The following ASIC2 variants were observed in gnomAD, a reference collection of about 807,000 sequenced individuals.
ASIC2 encodes the protein acid sensing ion channel subunit 2, also known as acid-sensing ion channel 2.
Under a neutral mutation model 57.3 loss-of-function variants are expected in ASIC2, and 25 were observed. That is an observed-to-expected ratio of 0.44 (90% confidence interval 0.32 to 0.61). The LOEUF is 0.61. Ranked by LOEUF, ASIC2 falls within the 20% of genes least tolerant of loss-of-function variation. The pLI, the probability that ASIC2 is intolerant of heterozygous loss-of-function variation, is 0.06. For missense variants in ASIC2, 641 were observed against 738.1 expected, an observed-to-expected ratio of 0.87 and a Z score of 1.52; for synonymous variants, 319 against 307.5, an observed-to-expected ratio of 1.04 and a Z score of -0.39.
At chr17:33,625,125 C>CTCTG (rs35947234) in intron 1 of ASIC2, among the ~76,000 whole-genome samples, 35,141 of 143,956 alleles carry the variant, frequency 0.24, 4,159 homozygotes, top group South Asian at 0.33. Context: ...AATGTGGCCT[C>CTCTG]TCTGTCTATC....
At chr17:33,632,790 C>G (rs1352037559) in intron 1 of ASIC2, among the ~76,000 whole-genome samples, 1 of 152,174 alleles carries the variant, frequency 6.6e-6, no homozygotes, top group Non-Finnish European at 1.5e-5. Context: ...CCAAGCTTGT[C>G]TCTAACCTTA....
At position 33,340,739 on chromosome 17, in the gene ASIC2, T is replaced by C. The variant is rs189794770; in HGVS notation, c.556-228672A>G. Among the ~76,000 whole-genome samples the C allele has an allele frequency of 1.4e-4, 22 of 152,178 alleles. No individual in the cohort carries two copies. The East Asian group carries it at 4.3e-3, about 29-fold the overall frequency. On this transcript the variant is annotated intron_variant, in intron 1 of 9. Transcript: ENST00000359872. Reference sequence around the variant, plus strand: ...TGCATCATCAAACGGGCTCTGTATATGTGTGTCTCTGTGTGTGTTGGGGCA... The same window carrying C: ...TGCATCATCAAACGGGCTCTGTATACGTGTGTCTCTGTGTGTGTTGGGGCA...
chr17:33,880,679 C>G (rs961457560), intron 1 of ASIC2, among the ~76,000 whole-genome samples: 2 of 152,178 alleles, frequency 1.3e-5, no homozygotes. Context: ...ACCAGAGGTA[C>G]AAGGAGGAGC....
chr17:34,033,548 A>C (rs1391357175), intron 1 of ASIC2, among the ~76,000 whole-genome samples: 1 of 152,172 alleles, frequency 6.6e-6, no homozygotes, highest in Admixed American at 6.5e-5. Context: ...GACACAAAAA[A>C]CCCTTCAAAA....
intron 1 of ASIC2, among the ~76,000 whole-genome samples, chr17:33,768,070 G>A (rs935258893): frequency 1.3e-5 from 2 of 151,606 alleles, no homozygotes; most frequent in South Asian, 2.1e-4. Context: ...GTGCAGTGGC[G>A]CGATCTCGGC....
chr17:34,155,615 C>T (rs1904688520), intron 1 of ASIC2: 2 of 247,852 alleles, frequency 8.1e-6, no homozygotes, highest in Non-Finnish European at 1.6e-5. Context: ...AATGCCACCT[C>T]GTCAATGACA....
At chr17:33,730,142 G>A (rs114776632) in intron 1 of ASIC2, among the ~76,000 whole-genome samples, 39 of 152,270 alleles carry the variant, frequency 2.6e-4, no homozygotes, top group African/African-American at 9.1e-4. Flanking sequence ...ATTAGCCCCT[G>A]TATAGTTTAC....
At chr17:33,842,297 T>C (rs118101523) in intron 1 of ASIC2, among the ~76,000 whole-genome samples, 167 of 152,174 alleles carry the variant, frequency 1.1e-3, no homozygotes, top group Non-Finnish European at 2.0e-3. Flanking sequence ...ATGGGGATGG[T>C]GGTACTCAGA....
At chr17:33,335,880 A>G (rs1476065871) in intron 1 of ASIC2, among the ~76,000 whole-genome samples, 2 of 152,242 alleles carry the variant, frequency 1.3e-5, no homozygotes, top group Non-Finnish European at 2.9e-5. Context: ...TCCAGCTCCA[A>G]TCGCAGACAC....
Position 33,919,591 on chromosome 17 carries a change from C to T in ASIC2, c.555+236387G>A, listed in dbSNP as rs551930797. Among the ~76,000 whole-genome samples the T allele has an allele frequency of 2.6e-5, 4 of 152,338 alleles. No homozygotes were observed. In the South Asian group the frequency reaches 6.2e-4, roughly 24 times the overall value. On this transcript the variant is annotated intron_variant, in intron 1 of 9. Coordinates refer to the ASIC2 transcript ENST00000359872. ...ATCCTAGAAGAAAACCTAGGAAATA[C>T]CATTCTGGAAATTGCCTTTGGCAAA...
intron 3 of ASIC2, among the ~76,000 whole-genome samples, chr17:33,033,935 A>G (rs2091897363): frequency 6.6e-6 from 1 of 152,170 alleles, no homozygotes; most frequent in African/African-American, 2.4e-5. Flanking sequence ...ACAAGGGGAC[A>G]GGACGACCAG....
intron 1 of ASIC2, among the ~76,000 whole-genome samples, chr17:33,711,464 AAT>A (rs541049906): frequency 6.6e-6 from 1 of 152,132 alleles, no homozygotes; most frequent in Non-Finnish European, 1.5e-5. Flanking sequence ...GGGAGCAATG[AAT>A]CTCATTTTTG....
chr17:33,108,820 T>C (rs1364179256), intron 2 of ASIC2, among the ~76,000 whole-genome samples: 1 of 151,918 alleles, frequency 6.6e-6, no homozygotes, highest in East Asian at 1.9e-4. Context: ...GGACAAGGAG[T>C]TCTGCCTGAC....
intron 1 of ASIC2, among the ~76,000 whole-genome samples, chr17:33,830,985 C>T (rs558937499): frequency 3.3e-5 from 5 of 151,582 alleles, no homozygotes; most frequent in Admixed American, 1.3e-4. Context: ...TGGCATGCAC[C>T]TGTAATCCCA....
intron 1 of ASIC2, among the ~76,000 whole-genome samples, chr17:33,863,955 G>A (rs1471821997): frequency 1.3e-5 from 2 of 151,250 alleles, no homozygotes; most frequent in African/African-American, 4.9e-5. Flanking sequence ...GCAGGCTAGA[G>A]TGCAATGGTG....
chr17:33,027,841 A>C (rs1231486420), intron 4 of ASIC2, among the ~76,000 whole-genome samples: 1 of 152,272 alleles, frequency 6.6e-6, no homozygotes, highest in Non-Finnish European at 1.5e-5. Flanking sequence ...CCTCATTTGA[A>C]GGAGTGCTAG....
At chr17:33,756,871 G>A (rs1910620100) in intron 1 of ASIC2, among the ~76,000 whole-genome samples, 1 of 152,202 alleles carries the variant, frequency 6.6e-6, no homozygotes, top group Non-Finnish European at 1.5e-5. Context: ...CACAGACGTA[G>A]GGTCTTATAG....
At chr17:33,775,621 A>G (rs1911246393) in intron 1 of ASIC2, among the ~76,000 whole-genome samples, 1 of 152,032 alleles carries the variant, frequency 6.6e-6, no homozygotes, top group Non-Finnish European at 1.5e-5. Context: ...TGCGTGTGTA[A>G]TGTGCATGTG....
chr17:33,855,560 AAC>A (rs1350165836), intron 1 of ASIC2, among the ~76,000 whole-genome samples: 1 of 152,190 alleles, frequency 6.6e-6, no homozygotes, highest in Admixed American at 6.5e-5. Flanking sequence ...TTCACTGGCA[AAC>A]TATAGATAGA....
Sources: gnomAD v4.1 joint callset for allele counts (sites outside exome capture counted in the v4.1 genomes callset) on GRCh38, gnomAD v4.1.1 for gene constraint, MANE v1.5 for transcripts, NCBI Gene and HGNC (gene_info 2026-07-23, HGNC 2026-07-21) for gene names.